Variants in MOB3A observed in about 807,000 individuals in gnomAD.
MOB3A encodes the protein MOB kinase activator 3A, also known as MOB LAK.
MOB3A carries 17 observed loss-of-function variants against 17.8 expected under a neutral mutation model. The observed-to-expected ratio is 0.95, with a 90% CI of 0.65 to 1.43. The LOEUF (loss-of-function observed/expected upper bound fraction) is 1.43. MOB3A is among the 40% of genes most tolerant of loss of function. MOB3A has a pLI of 0.00. For missense variants in MOB3A, 333 were observed against 310.8 expected, an observed-to-expected ratio of 1.07 and a Z score of -0.54; for synonymous variants, 124 against 133.2, an observed-to-expected ratio of 0.93 and a Z score of 0.48.
chr19:2,077,056 TC>T, intron 3 of MOB3A, 43 bp from the exon 4 acceptor site: 2 of 1,557,548 alleles, frequency 1.3e-6, no homozygotes, highest in African/African-American at 1.4e-5. Flanking sequence ...CTCAGCCAAG[TC>T]CATGTCCAGA....
At chr19:2,087,709 C>T (rs1010331137) in intron 1 of MOB3A, among the ~76,000 whole-genome samples, 3 of 152,192 alleles carry the variant, frequency 2.0e-5, no homozygotes, top group Non-Finnish European at 4.4e-5. Flanking sequence ...TGAGACGTCA[C>T]GGACACCTGT....
chr19:2,083,662 A>G (rs2017517487), intron 2 of MOB3A, among the ~76,000 whole-genome samples: 1 of 152,136 alleles, frequency 6.6e-6, no homozygotes, highest in African/African-American at 2.4e-5. Flanking sequence ...TCCGCTTCAC[A>G]TCTGGGCCGA....
chr19:2,083,973 C>T (rs1199531835), intron 2 of MOB3A: 4 of 299,694 alleles, frequency 1.3e-5, no homozygotes, highest in East Asian at 1.2e-4. Context: ...GGTCTCACTA[C>T]ATTGCCCAGG....
At chr19:2,089,126 C>G (rs540735455) in intron 1 of MOB3A, among the ~76,000 whole-genome samples, 1 of 152,318 alleles carries the variant, frequency 6.6e-6, no homozygotes, top group Admixed American at 6.5e-5. Flanking sequence ...GCTCTCATTC[C>G]TGCTAAGTGA....
chr19:2,093,367 G>A lies in MOB3A; in HGVS notation c.-274+2859C>T, dbSNP rs899256426. Among the ~76,000 whole-genome samples, 2 of 152,008 alleles carry A rather than the reference G, an allele frequency of 1.3e-5. No individual in the cohort carries two copies. Among genetic ancestry groups the A allele is most frequent in the South Asian group, 2.1e-4 (1 of 4,822 alleles). On this transcript the variant is annotated intron_variant, in intron 1 of 4. Coordinates refer to ENST00000357066, the MANE Select transcript of MOB3A (RefSeq NM_130807.3). This position sits in a 1 kb window ranked among gnomAD's most constrained non-coding sequence, Gnocchi z 4.6. ...CGATGAGCTCTGTTCCTGTCTTCCT[G>A]GCATTTAGAAGGTCAAATGGCTTAA...
intron 2 of MOB3A, chr19:2,084,036 T>G: frequency 2.4e-6 from 1 of 411,662 alleles, no homozygotes; most frequent in Non-Finnish European, 4.9e-6. Flanking sequence ...CTTCCCAAAG[T>G]GCTGGGATTA....
intron 2 of MOB3A, among the ~76,000 whole-genome samples, chr19:2,083,897 C>T (rs573832114): frequency 6.6e-6 from 1 of 152,236 alleles, no homozygotes; most frequent in Non-Finnish European, 1.5e-5. Flanking sequence ...TGGGCTGAGC[C>T]TCAGGGAGAA....
chr19:2,074,730 TC>T (rs2017382417), intron 4 of MOB3A, among the ~76,000 whole-genome samples: 1 of 151,854 alleles, frequency 6.6e-6, no homozygotes, highest in East Asian at 1.9e-4. Flanking sequence ...TTTTTTTTTT[TC>T]CCCTGAGACA....
At chr19:2,073,987 C>T (rs1168396782) in intron 4 of MOB3A, among the ~76,000 whole-genome samples, 1 of 150,204 alleles carries the variant, frequency 6.7e-6, no homozygotes, top group African/African-American at 2.5e-5. Context: ...GCCAAGATCG[C>T]GCCACTGCAC....
rs1163559616 is a variant in MOB3A, at chr19:2,072,990, C to A, written c.*405G>T. On this transcript the variant is annotated 3_prime_UTR_variant, in exon 5 of 5. Transcript: ENST00000357066. ...GGTGCCCTTGAGAGACAGGCCCAGG[C>A]AGGGCTGTGGCCACAGCAGCCCTGG... The A allele has an allele frequency of 9.1e-6, 2 of 219,216 alleles. No homozygotes were observed. The highest frequency in any genetic ancestry group is 1.0e-4 in the South Asian group (1 of 10,026). 13.6% of individuals were successfully genotyped at this position (219,216 alleles called of 1,614,324 possible). A position where few individuals can be genotyped will look rare whatever the true frequency, so the allele number is the denominator to read the frequency against.
intron 2 of MOB3A, among the ~76,000 whole-genome samples, chr19:2,081,425 T>A (rs529916785): frequency 6.6e-6 from 1 of 151,192 alleles, no homozygotes; most frequent in South Asian, 2.1e-4. Flanking sequence ...CCATCTCTAC[T>A]AAAAATACAA....
chr19:2,083,040 G>A (rs2017509012), intron 2 of MOB3A, among the ~76,000 whole-genome samples: 1 of 152,090 alleles, frequency 6.6e-6, no homozygotes, highest in African/African-American at 2.4e-5. Context: ...AGAGACGGGA[G>A]CTCACTATGT....
chr19:2,095,491 GC>G (rs1273592019), intron 1 of MOB3A, among the ~76,000 whole-genome samples: 1 of 152,238 alleles, frequency 6.6e-6, no homozygotes, highest in Non-Finnish European at 1.5e-5. Flanking sequence ...CGCCGCGTTG[GC>G]TTGGGGATCC....
At position 2,082,797 on chromosome 19, in the gene MOB3A, C is replaced by T. The variant is rs565627642; in HGVS notation, c.-120+2378G>A. Among the ~76,000 whole-genome samples, 3 of 152,248 alleles carry T rather than the reference C, an allele frequency of 2.0e-5. No homozygotes were observed. Among genetic ancestry groups the T allele is most frequent in the Non-Finnish European group, 4.4e-5 (3 of 68,022 alleles). The stretch of plus-strand genomic sequence containing the variant: ...GGGGCACAACCCCAGGGTCACCACA[C>T]AGGTCCCCCCGCTTGCTTCTCTTCC... On this transcript the variant is annotated intron_variant, in intron 2 of 4. Coordinates refer to ENST00000357066, the MANE Select transcript of MOB3A (RefSeq NM_130807.3). The surrounding 1 kb of genome is among the most constrained non-coding windows in gnomAD (Gnocchi z 4.1).
chr19:2,080,970 G>A (rs1268385332), intron 2 of MOB3A, among the ~76,000 whole-genome samples: 2 of 152,058 alleles, frequency 1.3e-5, no homozygotes, highest in African/African-American at 2.4e-5. Context: ...GCAAGACCTC[G>A]TCTCTACAAA....
In MOB3A at chr19:2,078,490, G is replaced by A. The variant is rs756110390; in HGVS notation, c.71C>T (p.Pro24Leu). The A allele has an allele frequency of 1.3e-5, 21 of 1,607,792 alleles. No homozygotes were observed. In the East Asian group the frequency reaches 4.5e-4, roughly 34 times the overall value. Residue 24 changes from proline to leucine, a missense_variant, in exon 3 of 5, where the codon CCA becomes CTA. By Grantham distance (98) the Pro-to-Leu change is moderately conservative (BLOSUM62 -3). Coordinates refer to ENST00000357066, the MANE Select transcript of MOB3A (RefSeq NM_130807.3). ...KTFRPKRKFE[P>L]GTQRFELHKK... ...GTGCAGCTCGAAGCGCTGGGTGCCTGGCTCAAACTTGCGCTTGGGGCGGAA... is the reference window on the plus strand; with the variant it reads ...GTGCAGCTCGAAGCGCTGGGTGCCTAGCTCAAACTTGCGCTTGGGGCGGAA...
chr19:2,075,739 G>C (rs2017396705), intron 4 of MOB3A, among the ~76,000 whole-genome samples: 1 of 152,114 alleles, frequency 6.6e-6, no homozygotes, highest in Admixed American at 6.6e-5. Context: ...GAGGAATCTG[G>C]TCCCTGGGTT....
At chr19:2,089,925 A>C (rs2017594271) in intron 1 of MOB3A, 1 of 151,644 alleles carries the variant, frequency 6.6e-6, no homozygotes. Flanking sequence ...TAGTTGTGAC[A>C]AACACAAATG....
At chr19:2,084,051 C>A in intron 2 of MOB3A, 1 of 437,130 alleles carries the variant, frequency 2.3e-6, no homozygotes, top group South Asian at 1.6e-5. Flanking sequence ...GGATTACAGG[C>A]GTGAGCCACC....
Sources: gnomAD v4.1 joint callset for allele counts (sites outside exome capture counted in the v4.1 genomes callset) on GRCh38, gnomAD v4.1.1 for gene constraint, Gnocchi (gnomAD v3.1) non-coding constraint, MANE v1.5 for transcripts, NCBI Gene and HGNC (gene_info 2026-07-23, HGNC 2026-07-21) for gene names.